Variants in LAMA2 observed in about 807,000 individuals in gnomAD.
LAMA2 encodes the protein laminin subunit alpha-2.
In LAMA2, 269 loss-of-function variants were observed where a neutral mutation model predicts 364.8. The observed-to-expected ratio is 0.74, with a 90% confidence interval of 0.67 to 0.82. The LOEUF (loss-of-function observed/expected upper bound fraction) is 0.82, where lower values mean the gene tolerates loss of function less well. Ranked by LOEUF, LAMA2 falls within the 40% of genes least tolerant of loss-of-function variation. The pLI, the probability that LAMA2 is intolerant of heterozygous loss-of-function variation, is 0.00. For missense variants in LAMA2, 3,807 were observed against 3,873.2 expected, an observed-to-expected ratio of 0.98 and a Z score of 0.45; for synonymous variants, 1,379 against 1,370.6, an observed-to-expected ratio of 1.01 and a Z score of -0.14.
intron 12 of LAMA2, among the ~76,000 whole-genome samples, chr6:129,229,798 A>G (rs913990754): frequency 6.6e-6 from 1 of 152,186 alleles, no homozygotes; most frequent in African/African-American, 2.4e-5. Flanking sequence ...TTTCCCAACT[A>G]TGGACCTGAG....
At chr6:129,449,808 T>C (rs1052519010) in intron 45 of LAMA2, among the ~76,000 whole-genome samples, 4 of 147,104 alleles carry the variant, frequency 2.7e-5, no homozygotes, top group African/African-American at 1.0e-4. Flanking sequence ...ACTTTTTTTT[T>C]TTTTTTTTTT....
chr6:129,266,591 G>A (rs1368298417), intron 15 of LAMA2, among the ~76,000 whole-genome samples: 1 of 152,002 alleles, frequency 6.6e-6, no homozygotes, highest in African/African-American at 2.4e-5. Context: ...TATAAGTGTG[G>A]GTGCTGCCTT....
At chr6:129,265,182 C>CTTGTTTGGA (rs2114337406) in intron 15 of LAMA2, among the ~76,000 whole-genome samples, 1 of 152,222 alleles carries the variant, frequency 6.6e-6, no homozygotes, top group Non-Finnish European at 1.5e-5. Flanking sequence ...ACATTCCCCA[C>CTTGTTTGGA]ATCACTTGTT....
At chr6:129,120,565 T>G (rs1370404396) in intron 4 of LAMA2, among the ~76,000 whole-genome samples, 2 of 152,220 alleles carry the variant, frequency 1.3e-5, no homozygotes, top group African/African-American at 4.8e-5. Flanking sequence ...TACTAAAGAT[T>G]ACGATTAGTA....
intron 2 of LAMA2, among the ~76,000 whole-genome samples, chr6:129,055,527 C>T (rs1298724329): frequency 1.3e-5 from 2 of 152,044 alleles, no homozygotes; most frequent in Admixed American, 1.3e-4. Context: ...AGATTCATTC[C>T]ACATTTCCAG....
intron 1 of LAMA2, among the ~76,000 whole-genome samples, chr6:128,909,136 T>C (rs1328763646): frequency 6.6e-6 from 1 of 151,758 alleles, no homozygotes; most frequent in Non-Finnish European, 1.5e-5. Flanking sequence ...GAGAGTTCTG[T>C]AGATGTCTAT....
chr6:128,987,826 A>G (rs572065679), intron 1 of LAMA2, among the ~76,000 whole-genome samples: 93 of 152,316 alleles, frequency 6.1e-4, no homozygotes, highest in African/African-American at 2.0e-3. Context: ...GATGACATCC[A>G]TGAAACATAT....
At position 129,300,776 on chromosome 6, in the gene LAMA2, G is replaced by A. The variant is rs2114460907; in HGVS notation, c.3078G>A (p.Lys1026=). ...ATCTGGGTAATAATTGTGACCCAAA[G>A]ACTGGGCGATGCATTTGCCCTCCCA... ...CSHLGNNCDP[K]TGRCICPPNT... The change falls in exon 22 of 65, where the codon AAG becomes AAA. Residue 1026 remains lysine (K), a synonymous_variant. Transcript: ENST00000421865. The A allele has an allele frequency of 6.2e-7, 1 of 1,613,760 alleles. No individual in the cohort carries two copies. Among genetic ancestry groups the A allele is most frequent in the Non-Finnish European group, 8.5e-7 (1 of 1,179,692 alleles).
intron 10 of LAMA2, among the ~76,000 whole-genome samples, chr6:129,183,497 T>C (rs982316941): frequency 6.6e-6 from 1 of 152,002 alleles, no homozygotes; most frequent in African/African-American, 2.4e-5. Flanking sequence ...CACGAGACTA[T>C]GTGATCTGGC....
chr6:129,251,894 C>T (rs956065432), intron 13 of LAMA2, among the ~76,000 whole-genome samples, 190 bp from the exon 14 acceptor site: 3 of 151,814 alleles, frequency 2.0e-5, no homozygotes, highest in East Asian at 1.9e-4. Flanking sequence ...GAGATCGCGC[C>T]GTTGCACTCC....
At chr6:129,200,550 A>G (rs1782222166) in intron 12 of LAMA2, among the ~76,000 whole-genome samples, 1 of 151,678 alleles carries the variant, frequency 6.6e-6, no homozygotes, top group African/African-American at 2.4e-5. Context: ...GTGTGTATAT[A>G]TATATATTTA....
chr6:129,069,814 A>G (rs1773189718), intron 3 of LAMA2, among the ~76,000 whole-genome samples: 1 of 147,538 alleles, frequency 6.8e-6, no homozygotes, highest in South Asian at 2.1e-4. Context: ...AAAATGTGAT[A>G]AATAATATTG....
intron 12 of LAMA2, among the ~76,000 whole-genome samples, chr6:129,219,972 TAATAAAATAAAAATAA>T (rs1783711280): frequency 1.3e-5 from 2 of 151,468 alleles, no homozygotes; most frequent in South Asian, 4.2e-4. Context: ...AGTATAATAA[TAATAAAATAAAAATAA>T]AATAAAATAA....
intron 1 of LAMA2, among the ~76,000 whole-genome samples, chr6:128,982,936 G>A (rs868678865): frequency 2.8e-5 from 3 of 107,812 alleles, no homozygotes; most frequent in African/African-American, 8.3e-5. Context: ...ACAAAGGACA[G>A]GAACTCATCA....
At chr6:129,016,478 T>A (rs11154454) in intron 1 of LAMA2, among the ~76,000 whole-genome samples, 86,269 of 151,820 alleles carry the variant, frequency 0.57, 28,672 homozygotes, top group East Asian at 0.96. Context: ...TATCATAATA[T>A]TAGGAATACT....
chr6:129,421,369 A>T (rs945402903), intron 40 of LAMA2, among the ~76,000 whole-genome samples: 1 of 151,804 alleles, frequency 6.6e-6, no homozygotes, highest in African/African-American at 2.4e-5. Context: ...TCAGAAAGAG[A>T]ATACCAAGAA....
At chr6:129,309,628 A>G (rs1352415006) in intron 22 of LAMA2, among the ~76,000 whole-genome samples, 19 of 152,230 alleles carry the variant, frequency 1.2e-4, no homozygotes, top group Admixed American at 1.1e-3. Flanking sequence ...TGGCAAAGAA[A>G]AACTATGTAA....
chr6:128,923,786 AT>A (rs1160740021), intron 1 of LAMA2, among the ~76,000 whole-genome samples: 1 of 152,168 alleles, frequency 6.6e-6, no homozygotes, highest in Non-Finnish European at 1.5e-5. Flanking sequence ...ATAGAGGTTT[AT>A]TTCTCAATGA....
At chr6:128,886,896 A>T (rs565065355) in intron 1 of LAMA2, among the ~76,000 whole-genome samples, 30 of 152,300 alleles carry the variant, frequency 2.0e-4, no homozygotes, top group African/African-American at 6.7e-4. Context: ...GGGATGCTTT[A>T]TGAGGGAATG....
Sources: allele counts gnomAD v4.1 joint callset (sites outside exome capture counted in the v4.1 genomes callset), GRCh38; gene constraint gnomAD v4.1.1; transcripts MANE v1.5; gene names NCBI Gene and HGNC (gene_info 2026-07-23, HGNC 2026-07-21).